DCAF8L2: variants seen among roughly 807,000 people sequenced by gnomAD.
DCAF8L2 encodes DDB1 and CUL4 associated factor 8 like 2.
For missense variants in DCAF8L2, 430 were observed against 490.7 expected, an observed-to-expected ratio of 0.88 and a Z score of 1.17; for synonymous variants, 200 against 190.9, an observed-to-expected ratio of 1.05 and a Z score of -0.39.
chrX:27,519,350 C>T, the DCAF8L2 span: 11 of 1,140,847 alleles, frequency 9.6e-6, no homozygotes, highest in South Asian at 1.8e-5. Context: ...GCTGAAGAGG[C>T]GAAGTCTGCC....
At chrX:27,722,489 T>G (rs184776478) in intron 4 of DCAF8L2, among the ~76,000 whole-genome samples, 6 of 111,747 alleles carry the variant, frequency 5.4e-5, no homozygotes, top group Non-Finnish European at 1.1e-4. Context: ...TAAGAATGTA[T>G]AATTCACATT....
rs374850512 is a variant in DCAF8L2 at position 27,693,972 on chromosome X, A to G, written c.-143+16060A>G. Among the ~76,000 whole-genome samples, 43 of 112,154 alleles carry G rather than the reference A, an allele frequency of 3.8e-4. 1 individual carries two copies. The highest frequency in any genetic ancestry group is 5.8e-4 in the Non-Finnish European group (31 of 53,222). On this transcript the variant is annotated intron_variant, in intron 3 of 4. Coordinates refer to ENST00000451261, the MANE Select transcript of DCAF8L2 (RefSeq NM_001353450.2). Reference sequence around the variant, plus strand: ...ATGGAATCAACCTAGATGCCCATCAATGGTGGATTGGATAAAGAAAATGTG... The same window carrying G: ...ATGGAATCAACCTAGATGCCCATCAGTGGTGGATTGGATAAAGAAAATGTG...
intron 1 of DCAF8L2, among the ~76,000 whole-genome samples, chrX:27,619,521 T>A (rs1019077124): frequency 9.0e-6 from 1 of 111,663 alleles, no homozygotes; most frequent in African/African-American, 3.3e-5. Context: ...CATCTGATGC[T>A]GGAGCATAAG....
chrX:27,611,153 C>T (rs764999623), intron 1 of DCAF8L2, among the ~76,000 whole-genome samples: 2 of 110,986 alleles, frequency 1.8e-5, no homozygotes, highest in South Asian at 3.8e-4. Flanking sequence ...TCTATCACAA[C>T]GGAGACAATA....
At chrX:27,609,049 G>A (rs766937773) in intron 1 of DCAF8L2, among the ~76,000 whole-genome samples, 2 of 111,537 alleles carry the variant, frequency 1.8e-5, no homozygotes, top group South Asian at 3.8e-4. Flanking sequence ...CGAAGAACAA[G>A]TGATACTGGA....
intron 1 of DCAF8L2, among the ~76,000 whole-genome samples, chrX:27,631,625 G>A (rs1928294776): frequency 9.0e-6 from 1 of 111,366 alleles, no homozygotes; most frequent in African/African-American, 3.3e-5. Context: ...CAGACTATAT[G>A]TATTATTCAA....
intron 1 of DCAF8L2, among the ~76,000 whole-genome samples, chrX:27,602,829 TA>T (rs1486486219): frequency 9.0e-6 from 1 of 111,704 alleles, no homozygotes; most frequent in African/African-American, 3.2e-5. Flanking sequence ...AACTCTTCAC[TA>T]AAAAAACATG....
At chrX:27,488,909 C>T in the DCAF8L2 span, among the ~76,000 whole-genome samples, 1 of 110,345 alleles carries the variant, frequency 9.1e-6, no homozygotes, top group Non-Finnish European at 1.9e-5. Flanking sequence ...CCACCTTGGC[C>T]TCCCAAAGTG....
chrX:27,623,786 T>G (rs960324338), intron 1 of DCAF8L2, among the ~76,000 whole-genome samples: 7 of 111,611 alleles, frequency 6.3e-5, no homozygotes, highest in Non-Finnish European at 1.1e-4. Context: ...TTTAAACACG[T>G]GTGAATGGAA....
intron 2 of DCAF8L2, among the ~76,000 whole-genome samples, chrX:27,650,205 G>A (rs926887473): frequency 9.0e-6 from 1 of 111,622 alleles, no homozygotes. Context: ...TTGTTCTGTA[G>A]TATAGTTTGA....
At chrX:27,514,257 A>G in the DCAF8L2 span, among the ~76,000 whole-genome samples, 1,231 of 105,545 alleles carry the variant, frequency 0.012, 22 homozygotes, top group South Asian at 0.038. Flanking sequence ...ATGTACATAT[A>G]TGTGTGCATA....
chrX:27,665,756 T>G (rs750645997), intron 2 of DCAF8L2, among the ~76,000 whole-genome samples: 1 of 111,867 alleles, frequency 8.9e-6, no homozygotes, highest in Non-Finnish European at 1.9e-5. Flanking sequence ...GGCAAGACCC[T>G]CCACCAGCAA....
the DCAF8L2 span, chrX:27,519,268 G>C: frequency 2.0e-6 from 2 of 987,674 alleles, no homozygotes; most frequent in East Asian, 3.0e-5. Context: ...GACTCAAAAA[G>C]CTCTAGAACT....
At chrX:27,470,881 T>G in the DCAF8L2 span, among the ~76,000 whole-genome samples, 1 of 112,341 alleles carries the variant, frequency 8.9e-6, no homozygotes, top group African/African-American at 3.2e-5. Flanking sequence ...TGAATTTTAA[T>G]GAAGATTTTA....
chrX:27,519,777 T>C, the DCAF8L2 span: 1 of 516,032 alleles, frequency 1.9e-6, no homozygotes, highest in South Asian at 3.0e-5. Context: ...ATTTGAGGCT[T>C]TTAATCTGAT....
At chrX:27,651,404 A>G (rs903284390) in intron 2 of DCAF8L2, among the ~76,000 whole-genome samples, 1 of 109,800 alleles carries the variant, frequency 9.1e-6, no homozygotes, top group Non-Finnish European at 1.9e-5. Context: ...TTTTATGTGT[A>G]TGTCCTTCAT....
rs1927652744 is a variant in DCAF8L2 at position 27,619,537 on chromosome X, C to G, written c.-341-12342C>G. ...ATCTGATGCTGGAGCATAAGCAGAC[C>G]TGACACTCCAGCACAAGTTGGCACA... On this transcript the variant is annotated intron_variant, in intron 1 of 4. Coordinates refer to ENST00000451261, the MANE Select transcript of DCAF8L2 (RefSeq NM_001353450.2). 4.5e-5 allele frequency among the ~76,000 whole-genome samples: 5 copies of G among 111,457 alleles called. No individual in the cohort carries two copies. In the Admixed American group the frequency reaches 4.8e-4, roughly 11 times the overall value.
the DCAF8L2 span, among the ~76,000 whole-genome samples, chrX:27,469,401 C>T: frequency 1.8e-5 from 2 of 111,911 alleles, no homozygotes; most frequent in African/African-American, 6.5e-5. Context: ...TAGTAATGAG[C>T]ATAATTTGGA....
chrX:27,741,979 A>G (rs930201725), intron 4 of DCAF8L2, among the ~76,000 whole-genome samples: 7 of 112,043 alleles, frequency 6.2e-5, no homozygotes, highest in South Asian at 7.4e-4. Flanking sequence ...AAATTTTAGA[A>G]TTTTTAAAAT....
Sources: gnomAD v4.1 joint callset for allele counts (sites outside exome capture counted in the v4.1 genomes callset) on GRCh38, gnomAD v4.1.1 for gene constraint, MANE v1.5 for transcripts, NCBI Gene and HGNC (gene_info 2026-07-23, HGNC 2026-07-21) for gene names.